SLC52A1: variants seen among roughly 807,000 people sequenced by gnomAD.
The protein encoded by SLC52A1 is solute carrier family 52, riboflavin transporter, member 1.
Under a neutral mutation model 23.2 loss-of-function variants are expected in SLC52A1, and 20 were observed. The ratio of observed to expected loss-of-function variants is 0.86; its 90% CI spans 0.61 to 1.25. The LOEUF is 1.25. Ranked by LOEUF, SLC52A1 falls within the 50% of genes most tolerant of loss-of-function variation. The pLI, the probability that SLC52A1 is intolerant of heterozygous loss-of-function variation, is 0.00. For synonymous variants in SLC52A1, 260 were observed against 256.6 expected (o/e 1.01, Z -0.13); for missense variants, 528 against 557.0 (o/e 0.95, Z 0.52).
chr17:5,034,846 G>A lies in SLC52A1; in HGVS notation c.-108+15C>T. 1 of 447,886 alleles carries A rather than the reference G, an allele frequency of 2.2e-6. No individual in the cohort carries two copies. Among genetic ancestry groups the A allele is most frequent in the South Asian group, 2.5e-5 (1 of 40,532 alleles). 27.7% of individuals were successfully genotyped at this position (447,886 alleles called of 1,614,324 possible). On this transcript the variant is annotated intron_variant, in intron 1 of 4. Coordinates refer to ENST00000254853, the MANE Select transcript of SLC52A1 (RefSeq NM_017986.4). ...GGCCGGGGGCGGGCGGGGAAGGTGG[G>A]GAGCCAGGACTTACCACGGGGCACC...
In SLC52A1 at chr17:5,033,655, A is replaced by G. The variant is rs558969562; in HGVS notation, c.834T>C (p.His278=). The stretch of plus-strand genomic sequence containing the variant: ...CCATCAGGCCCAGCAGGAAGGCACC[A>G]TGGGCTGAGAACAGCTGATGGGCCT... ...DPEAHQLFSA[H]GAFLLGLMAF... The change falls in exon 3 of 5, where the codon CAT becomes CAC. Residue 278 remains histidine, a synonymous_variant. Transcript: ENST00000254853. 5.6e-6 allele frequency: 9 copies of G among 1,614,070 alleles called. No individual in the cohort carries two copies. In the African/African-American group the frequency reaches 1.2e-4, roughly 22 times the overall value.
At chr17:5,041,258 T>G (rs1439845760) in intron 1 of SLC52A1, among the ~76,000 whole-genome samples, 1 of 152,060 alleles carries the variant, frequency 6.6e-6, no homozygotes, top group East Asian at 1.9e-4. Flanking sequence ...GGCTGGCTAA[T>G]TTTTTACTTT....
chr17:5,036,294 T>C (rs934508000), upstream of SLC52A1, among the ~76,000 whole-genome samples: 1 of 151,208 alleles, frequency 6.6e-6, no homozygotes, highest in Admixed American at 6.6e-5. Flanking sequence ...CCTCCCAAAG[T>C]GTTGGGGATT....
upstream of SLC52A1, among the ~76,000 whole-genome samples, chr17:5,035,620 A>G (rs1975438233): frequency 6.6e-6 from 1 of 152,160 alleles, no homozygotes. Context: ...TCTGCCTGAG[A>G]GGGAGCCCCC....
At chr17:5,042,405 A>G (rs1975554492) in intron 1 of SLC52A1, among the ~76,000 whole-genome samples, 1 of 152,122 alleles carries the variant, frequency 6.6e-6, no homozygotes, top group Non-Finnish European at 1.5e-5. Context: ...CCTCTATCTC[A>G]GGAACACCTG....
At chr17:5,034,788 A>C in intron 1 of SLC52A1, 73 bp downstream of exon 1, 1 of 734,730 alleles carries the variant, frequency 1.4e-6, no homozygotes, top group Non-Finnish European at 2.1e-6. Flanking sequence ...AGTCGGTCAG[A>C]CTGCTAAGAC....
Position 5,034,345 on chromosome 17 carries a change from G to C in SLC52A1, c.144C>G (p.Pro48=), listed in dbSNP as rs762541050. The change falls in exon 3 of 5, where the codon CCC becomes CCG. Residue 48 remains proline, a synonymous_variant. Transcript: ENST00000254853. ...VKDLPEGWSL[P]SYLSVVVALG... is the part of the protein sequence containing the mutation. ...GCGCCACAACCACAGAGAGGTATGAGGGGAGGCTCCAACCTGCAGGGAAGG... is the reference window on the plus strand; with the variant it reads ...GCGCCACAACCACAGAGAGGTATGACGGGAGGCTCCAACCTGCAGGGAAGG... The C allele has an allele frequency of 3.8e-6, 6 of 1,582,876 alleles. No individual in the cohort carries two copies. Among genetic ancestry groups the C allele is most frequent in the Middle Eastern group, 3.4e-4 (2 of 5,882 alleles).
chr17:5,037,754 C>T (rs1975490105), upstream of SLC52A1, among the ~76,000 whole-genome samples: 1 of 152,048 alleles, frequency 6.6e-6, no homozygotes, highest in Non-Finnish European at 1.5e-5. Context: ...GCGGAGGAGG[C>T]ACTTTGTCTA....
chr17:5,033,452 C>T (rs761770368), intron 3 of SLC52A1, 27 bp downstream of exon 3: 1 of 1,609,796 alleles, frequency 6.2e-7, no homozygotes. Flanking sequence ...TAAGTTCCAC[C>T]CACCAAGCCT....
upstream of SLC52A1, among the ~76,000 whole-genome samples, chr17:5,038,609 CA>C (rs1975504742): frequency 6.6e-6 from 1 of 151,030 alleles, no homozygotes; most frequent in Non-Finnish European, 1.5e-5. Context: ...TTTTTCGAGA[CA>C]GAGTCTTGCT....
At position 5,032,760 on chromosome 17, in the gene SLC52A1, CA is replaced by C; in HGVS notation, c.*196del. ...GGCCCTGGGTCCAAGCCCACAGCCC[CA>C]ACCTGTCCCCTGGCTCTGGGCCTGG... On this transcript the variant is annotated 3_prime_UTR_variant, in exon 5 of 5. Transcript: ENST00000254853. 1 of 592,504 alleles carries C rather than the reference CA, an allele frequency of 1.7e-6. No homozygotes were observed. The highest frequency in any genetic ancestry group is 2.1e-5 in the South Asian group (1 of 47,002). The allele number at this position is 592,504 out of a possible 1,614,324, so 36.7% of individuals were successfully genotyped here. A position where few individuals can be genotyped will look rare whatever the true frequency, so the allele number is the denominator to read the frequency against.
Position 5,033,459 on chromosome 17 carries a change from G to C in SLC52A1, c.1010+20C>G, listed in dbSNP as rs201127532. 704 of 1,610,024 alleles carry C rather than the reference G, an allele frequency of 4.4e-4. 1 individual carries two copies. The highest frequency in any genetic ancestry group is 6.3e-4 in the South Asian group (57 of 90,822). On this transcript the variant is annotated intron_variant, in intron 3 of 4. Transcript: ENST00000254853. ...CCCAACCTTAAGTTCCACCCACCAA[G>C]CCTGGGGACCCTTTTGCACCTGCAC...
At position 5,034,864 on chromosome 17, in the gene SLC52A1, G is replaced by A. The variant is rs1287849414; in HGVS notation, c.-111C>T. On this transcript the variant is annotated 5_prime_UTR_variant, in exon 1 of 5. Coordinates refer to ENST00000254853, the MANE Select transcript of SLC52A1 (RefSeq NM_017986.4). ...AAGGTGGGGAGCCAGGACTTACCAC[G>A]GGGCACCGGCTGTGCGTTTGGGTAC... 5.0e-6 allele frequency: 2 copies of A among 401,816 alleles called. No homozygotes were observed. Among genetic ancestry groups the A allele is most frequent in the South Asian group, 2.9e-5 (1 of 34,332 alleles). 24.9% of individuals were successfully genotyped at this position (401,816 alleles called of 1,614,324 possible). A position where few individuals can be genotyped will look rare whatever the true frequency, so the allele number is the denominator to read the frequency against.
At chr17:5,041,503 G>A (rs1975545134) in intron 1 of SLC52A1, among the ~76,000 whole-genome samples, 1 of 150,628 alleles carries the variant, frequency 6.6e-6, no homozygotes, top group Admixed American at 6.6e-5. Flanking sequence ...CTGAGATGGA[G>A]TTTCACTCTT....
At chr17:5,039,402 G>A (rs1032985266), upstream of SLC52A1, among the ~76,000 whole-genome samples, 1 of 152,014 alleles carries the variant, frequency 6.6e-6, no homozygotes, top group Non-Finnish European at 1.5e-5. Flanking sequence ...GTTGGTCACG[G>A]TCTAACTGCA....
At chr17:5,034,747 G>T in intron 1 of SLC52A1, 34 bp from the exon 2 acceptor site, 1 of 1,186,380 alleles carries the variant, frequency 8.4e-7, no homozygotes, top group Non-Finnish European at 1.2e-6. Context: ...CAGGTAATAG[G>T]CTGGTGGGAC....
In SLC52A1 at chr17:5,034,129, C is replaced by T; in HGVS notation, c.360G>A (p.Val120=). 2 of 1,614,208 alleles carry T rather than the reference C, an allele frequency of 1.2e-6. No homozygotes were observed. Among genetic ancestry groups the T allele is most frequent in the African/African-American group, 2.7e-5 (2 of 75,052 alleles). The change falls in exon 3 of 5, where the codon GTG becomes GTA. Residue 120 remains valine (V), a synonymous_variant. Transcript: ENST00000254853. ...HSVAFLTLAL[V]LAMACCTSNV... ...TAGAGGTACAACAGGCCATTGCCAA[C>T]ACCAAGGCCAGAGTTAGGAAGGCCA...
In SLC52A1 at chr17:5,035,178, G is replaced by A. The variant is rs1975429214; in HGVS notation, c.-425C>T. The A allele has an allele frequency of 6.4e-6, 1 of 155,308 alleles. No homozygotes were observed. Among genetic ancestry groups the A allele is most frequent in the African/African-American group, 2.4e-5 (1 of 41,442 alleles). The allele number at this position is 155,308 out of a possible 1,614,324, so 9.6% of individuals were successfully genotyped here. A position where few individuals can be genotyped will look rare whatever the true frequency, so the allele number is the denominator to read the frequency against. On this transcript the variant is annotated 5_prime_UTR_variant, in exon 1 of 5. Coordinates refer to ENST00000254853, the MANE Select transcript of SLC52A1 (RefSeq NM_017986.4). ...CAAAAATTAGCTGGTCGTGGTGGTG[G>A]GTGCCAGTAATCCCAGCTACTCAGG...
At position 5,033,774 on chromosome 17, in the gene SLC52A1, C is replaced by T; in HGVS notation, c.715G>A (p.Gly239Arg). ...SGPELQLGSP[G>R]AEEEEKEEEE... Reference sequence around the variant, plus strand: ...TCCTCCTTCTCTTCCTCCTCTGCTCCTGGGGATCCCAGTTGAAGTTCAGGC... The same window carrying T: ...TCCTCCTTCTCTTCCTCCTCTGCTCTTGGGGATCCCAGTTGAAGTTCAGGC... The change falls in exon 3 of 5, where the codon GGA (glycine) becomes AGA (arginine). Residue 239 changes from glycine to arginine, a missense_variant. Coordinates refer to ENST00000254853, the MANE Select transcript of SLC52A1 (RefSeq NM_017986.4). 1 of 1,614,236 alleles carries T rather than the reference C, an allele frequency of 6.2e-7. No homozygotes were observed. The highest frequency in any genetic ancestry group is 2.2e-5 in the East Asian group (1 of 44,884).
Sources: allele counts gnomAD v4.1 joint callset (sites outside exome capture counted in the v4.1 genomes callset), GRCh38; gene constraint gnomAD v4.1.1; transcripts MANE v1.5; gene names NCBI Gene and HGNC (gene_info 2026-07-23, HGNC 2026-07-21).